Variants in FAM151A observed in about 807,000 individuals in gnomAD.
The protein encoded by FAM151A is family with sequence similarity 151 member A.
In FAM151A, 41 loss-of-function variants were observed where a neutral mutation model predicts 40.4. The ratio of observed to expected loss-of-function variants is 1.01; its 90% CI spans 0.79 to 1.32. The LOEUF is 1.32. Among genes scored for constraint, FAM151A ranks in the 40% most tolerant of loss-of-function variants. The pLI is 0.00. For missense variants in FAM151A, 740 were observed against 740.4 expected (o/e 1.00, Z 0.01); for synonymous variants, 337 against 312.5 (o/e 1.08, Z -0.83).
chr1:54,622,208 G>A (rs1644236403), intron 1 of FAM151A, among the ~76,000 whole-genome samples: 1 of 150,112 alleles, frequency 6.7e-6, no homozygotes, highest in Admixed American at 6.7e-5. Context: ...CCCAGGGGGT[G>A]GAGGTTGCAG....
chr1:54,619,593 C>G (rs753639880), intron 2 of FAM151A, among the ~76,000 whole-genome samples: 9 of 152,196 alleles, frequency 5.9e-5, no homozygotes, highest in Non-Finnish European at 1.0e-4. Flanking sequence ...AGTTTGGTCC[C>G]TGACAGGTCG....
At chr1:54,622,876 C>T (rs2101027837) in intron 1 of FAM151A, among the ~76,000 whole-genome samples, 1 of 151,884 alleles carries the variant, frequency 6.6e-6, no homozygotes, top group African/African-American at 2.4e-5. Flanking sequence ...GGGACGAGGG[C>T]TCAAGAAGAG....
intron 7 of FAM151A, 130 bp downstream of exon 7, chr1:54,610,282 A>C: frequency 6.6e-7 from 1 of 1,508,952 alleles, no homozygotes; most frequent in Non-Finnish European, 8.8e-7. Context: ...ACCCTGCCCC[A>C]CCTTGCATCC....
chr1:54,613,538 T>C (rs1037696477), intron 4 of FAM151A, among the ~76,000 whole-genome samples: 2 of 152,120 alleles, frequency 1.3e-5, no homozygotes, highest in African/African-American at 4.8e-5. Flanking sequence ...TCCGCTCACC[T>C]TGGCCTCCCA....
At chr1:54,618,495 A>C (rs1644197666) in intron 2 of FAM151A, among the ~76,000 whole-genome samples, 1 of 152,154 alleles carries the variant, frequency 6.6e-6, no homozygotes, top group African/African-American at 2.4e-5. Flanking sequence ...ACAGAGCAAG[A>C]TCCTGTCTCA....
intron 4 of FAM151A, among the ~76,000 whole-genome samples, chr1:54,613,307 A>G (rs1644137952): frequency 6.6e-6 from 1 of 151,922 alleles, no homozygotes; most frequent in African/African-American, 2.4e-5. Flanking sequence ...TGAACCCAGG[A>G]GGCGGAGGTT....
At chr1:54,610,329 A>G in intron 7 of FAM151A, 83 bp downstream of exon 7, 1 of 1,558,432 alleles carries the variant, frequency 6.4e-7, no homozygotes, top group Admixed American at 1.9e-5. Flanking sequence ...TGCCATGGCA[A>G]CAGAGACCGG....
At chr1:54,616,271 T>C in intron 2 of FAM151A, 99 bp from the exon 3 acceptor site, 4 of 1,067,064 alleles carry the variant, frequency 3.7e-6, no homozygotes, top group Non-Finnish European at 5.4e-6. Flanking sequence ...ATTTGAGAAA[T>C]ACAGAAAAGT....
chr1:54,611,508 T>A, intron 6 of FAM151A, 98 bp downstream of exon 6: 3 of 1,217,206 alleles, frequency 2.5e-6, no homozygotes, highest in Non-Finnish European at 2.3e-6. Context: ...GCCTTCCCCC[T>A]TCTGATATCC....
At chr1:54,610,591 C>A in intron 6 of FAM151A, 36 bp from the exon 7 acceptor site, 2 of 1,599,242 alleles carry the variant, frequency 1.3e-6, no homozygotes, top group Non-Finnish European at 1.7e-6. Context: ...GAAGTGGCTG[C>A]CATTCACAGA....
intron 6 of FAM151A, 88 bp from the exon 7 acceptor site, chr1:54,610,643 A>T (rs1288809294): frequency 6.5e-7 from 1 of 1,537,632 alleles, no homozygotes; most frequent in Non-Finnish European, 8.8e-7. Flanking sequence ...CCACAGCTCT[A>T]CGGGCATCCT....
At chr1:54,610,810 C>T in intron 6 of FAM151A, 1 of 985,358 alleles carries the variant, frequency 1.0e-6, no homozygotes, top group African/African-American at 1.7e-5. Flanking sequence ...TGGTATCCTT[C>T]CCGCTCGCTT....
rs779852883 is a variant in FAM151A, at chr1:54,610,491, A to C, written c.1005T>G (p.Pro335=). The C allele has an allele frequency of 6.7e-7, 1 of 1,502,336 alleles. No homozygotes were observed. The highest frequency in any genetic ancestry group is 9.2e-7 in the Non-Finnish European group (1 of 1,088,732). 93.1% of individuals were successfully genotyped at this position (1,502,336 alleles called of 1,614,324 possible). Residue 335 remains proline, a synonymous_variant, in exon 7 of 8, where the codon CCT becomes CCG. Transcript: ENST00000302250. ...GGSLIPLLQL[P]GDDGLNVEWL... ...ACTCCACATTCAGACCGTCATCCCC[A>C]GGCAGCTGGAGAAGAGGGATCAGGC...
chr1:54,612,989 T>A (rs1242985342), intron 4 of FAM151A, among the ~76,000 whole-genome samples: 1 of 135,468 alleles, frequency 7.4e-6, no homozygotes, highest in Non-Finnish European at 1.6e-5. Flanking sequence ...TTCTTAAACA[T>A]CCTCATATAG....
rs1275005210 is a variant in FAM151A, at chr1:54,619,998, A to G, written c.128T>C (p.Leu43Pro). Residue 43 changes from leucine to proline, a missense_variant, in exon 2 of 8, where the codon CTG becomes CCG. Coordinates refer to ENST00000302250, the MANE Select transcript of FAM151A (RefSeq NM_176782.3). ...GTCGGCATCAGGGCTGCAGGCCTCC[A>G]GCTCACAGCCTGGAAGGAATCCCAA... Reference protein sequence around the residue: ...AITLRRPGCELEACSPDADML... With the variant: ...AITLRRPGCEPEACSPDADML... The G allele has an allele frequency of 2.5e-6, 4 of 1,612,594 alleles. No individual in the cohort carries two copies. Among genetic ancestry groups the G allele is most frequent in the Non-Finnish European group, 3.4e-6 (4 of 1,178,930 alleles).
In FAM151A at chr1:54,609,240, G is replaced by A. The variant is rs1325435353; in HGVS notation, c.*28C>T. The A allele has an allele frequency of 4.4e-6, 7 of 1,593,380 alleles. No individual in the cohort carries two copies. The Admixed American group carries it at 1.0e-4, about 23-fold the overall frequency. On this transcript the variant is annotated 3_prime_UTR_variant, in exon 8 of 8. Coordinates refer to ENST00000302250, the MANE Select transcript of FAM151A (RefSeq NM_176782.3). ...TCCCCGTGGGAAGCCTCCGCCCTGAGGTCCGCTGGCCCACCACCCCTGGGT... is the reference window on the plus strand; with the variant it reads ...TCCCCGTGGGAAGCCTCCGCCCTGAAGTCCGCTGGCCCACCACCCCTGGGT...
chr1:54,617,723 T>TTTTTTG (rs1644188160), intron 2 of FAM151A, among the ~76,000 whole-genome samples: 1 of 120,640 alleles, frequency 8.3e-6, no homozygotes, highest in Non-Finnish European at 1.7e-5. Context: ...TTTTTTTTTT[T>TTTTTTG]TTTTTTTTTT....
rs114883650 is a variant in FAM151A at position 54,619,889 on chromosome 1, C to G, written c.237G>C (p.Lys79Asn). ...EVTWYHAANS[K>N]KAMTAALNSN... The stretch of plus-strand genomic sequence containing the variant: ...TGTTCAGGGCAGCTGTCATGGCTTT[C>G]TTGCTGTTGGCTGCGTGGTACCAGG... Residue 79 changes from lysine to asparagine, a missense_variant, in exon 2 of 8, where the codon AAG (lysine) becomes AAC (asparagine). Coordinates refer to ENST00000302250, the MANE Select transcript of FAM151A (RefSeq NM_176782.3). The G allele has an allele frequency of 0.015, 23,542 of 1,614,114 alleles. 232 individuals carry two copies. Among genetic ancestry groups the G allele is most frequent in the South Asian group, 0.02 (1,781 of 91,074 alleles).
At chr1:54,611,209 G>A (rs1569780928) in intron 6 of FAM151A, among the ~76,000 whole-genome samples, 2 of 152,082 alleles carry the variant, frequency 1.3e-5, no homozygotes, top group African/African-American at 4.8e-5. Flanking sequence ...CAAGGCGGGC[G>A]GATCACTTGA....
Sources: gnomAD v4.1 joint callset for allele counts (sites outside exome capture counted in the v4.1 genomes callset) on GRCh38, gnomAD v4.1.1 for gene constraint, MANE v1.5 for transcripts, NCBI Gene and HGNC (gene_info 2026-07-23, HGNC 2026-07-21) for gene names.